The following CLDN10 variants were observed in gnomAD, a reference collection of about 807,000 sequenced individuals.
CLDN10 encodes the protein claudin 10.
In CLDN10, 15 loss-of-function variants were observed where a neutral mutation model predicts 22.9. That is an observed-to-expected ratio of 0.65 (90% CI 0.44 to 1.01). The LOEUF (loss-of-function observed/expected upper bound fraction) is 1.01, where lower values mean the gene tolerates loss of function less well. CLDN10 is among the 50% of genes least tolerant of loss of function. The pLI is 0.00. For missense variants in CLDN10, 247 were observed against 287.8 expected, an observed-to-expected ratio of 0.86 and a Z score of 1.03; for synonymous variants, 114 against 111.4, an observed-to-expected ratio of 1.02 and a Z score of -0.15.
chr13:95,554,865 T>C (rs928455526), intron 1 of CLDN10, among the ~76,000 whole-genome samples: 1 of 152,168 alleles, frequency 6.6e-6, no homozygotes. Flanking sequence ...CTGAAAATCT[T>C]ATATTCACCT....
chr13:95,563,232 GAGAT>G (rs1433570770), intron 3 of CLDN10, among the ~76,000 whole-genome samples: 46 of 147,724 alleles, frequency 3.1e-4, no homozygotes, highest in Middle Eastern at 6.9e-3. Flanking sequence ...GAGAGAGAGA[GAGAT>G]AGATGTGATT....
At chr13:95,474,879 G>A (rs1250821272) in intron 1 of CLDN10, among the ~76,000 whole-genome samples, 1 of 152,170 alleles carries the variant, frequency 6.6e-6, no homozygotes, top group Non-Finnish European at 1.5e-5. Flanking sequence ...AGGCTGTTCT[G>A]TGCTGCAGGT....
At chr13:95,559,542 C>A (rs981742543) in intron 1 of CLDN10, among the ~76,000 whole-genome samples, 1 of 152,170 alleles carries the variant, frequency 6.6e-6, no homozygotes, top group East Asian at 1.9e-4. Context: ...CCCTTAGACC[C>A]CCCATGGTTC....
At chr13:95,562,048 G>C (rs1182111407) in intron 3 of CLDN10, among the ~76,000 whole-genome samples, 1 of 151,748 alleles carries the variant, frequency 6.6e-6, no homozygotes, top group African/African-American at 2.4e-5. Context: ...TCTTGCCTCA[G>C]CCTCCTTAGT....
chr13:95,453,344 A>G (rs2042450442), intron 1 of CLDN10, among the ~76,000 whole-genome samples: 1 of 152,140 alleles, frequency 6.6e-6, no homozygotes, highest in Non-Finnish European at 1.5e-5. Context: ...TTCCACCAAC[A>G]ACCTCACCCA....
intron 1 of CLDN10, among the ~76,000 whole-genome samples, chr13:95,453,173 A>C (rs1000221249): frequency 1.3e-5 from 2 of 152,218 alleles, no homozygotes; most frequent in Admixed American, 1.3e-4. Flanking sequence ...TTTATGTCCC[A>C]ATTCACATGA....
rs34710654 is a variant in CLDN10 at position 95,444,379 on chromosome 13, G to A, written c.214+10332G>A. On this transcript the variant is annotated intron_variant, in intron 1 of 4. Coordinates refer to the CLDN10 transcript ENST00000376873. ...TGCCAGATTTTTGTGTGCATTGCAG[G>A]AAAAATTGATTACCAAAGGTTAATA... Among the ~76,000 whole-genome samples the A allele has an allele frequency of 9.5e-3, 1,446 of 152,306 alleles. 9 individuals are homozygous for A. Among genetic ancestry groups the A allele is most frequent in the Middle Eastern group, 0.017 (5 of 294 alleles).
In CLDN10 at chr13:95,559,723, T is replaced by C. The variant is rs1408180688; in HGVS notation, c.221-409T>C. Among the ~76,000 whole-genome samples the C allele has an allele frequency of 2.0e-5, 3 of 152,228 alleles. No homozygotes were observed. In the East Asian group the frequency reaches 5.8e-4, roughly 29 times the overall value. On this transcript the variant is annotated intron_variant, in intron 1 of 4. Transcript: ENST00000299339. ...GAGCGGAGGAGCTACAGAGTTGTGA[T>C]GGTGGCAGATGATGTTTTTTCACAG... is the stretch of plus-strand genomic sequence containing the variant.
intron 1 of CLDN10, among the ~76,000 whole-genome samples, chr13:95,529,036 CTTGTTG>C (rs746724488): frequency 6.6e-6 from 1 of 151,630 alleles, no homozygotes; most frequent in African/African-American, 2.4e-5. Flanking sequence ...CAATGTTTTT[CTTGTTG>C]TTGTTGTTGT....
chr13:95,548,746 T>A (rs1021620919), upstream of CLDN10, among the ~76,000 whole-genome samples: 2 of 151,918 alleles, frequency 1.3e-5, no homozygotes, highest in Non-Finnish European at 1.5e-5. Context: ...TGGGCAGTTG[T>A]TTTTTTTAGT....
intron 1 of CLDN10, among the ~76,000 whole-genome samples, chr13:95,496,719 G>C (rs975691829): frequency 1.3e-5 from 2 of 152,096 alleles, no homozygotes; most frequent in African/African-American, 4.8e-5. Flanking sequence ...TCCCACCACG[G>C]GGGCCCCACC....
At chr13:95,450,500 C>T (rs958289353) in intron 1 of CLDN10, among the ~76,000 whole-genome samples, 2 of 152,200 alleles carry the variant, frequency 1.3e-5, no homozygotes, top group Non-Finnish European at 2.9e-5. Flanking sequence ...TTTCCCACAG[C>T]GCTGATCCCA....
At chr13:95,469,607 C>G (rs2042611389) in intron 1 of CLDN10, among the ~76,000 whole-genome samples, 1 of 152,198 alleles carries the variant, frequency 6.6e-6, no homozygotes, top group South Asian at 2.1e-4. Flanking sequence ...TAGTTAGTAG[C>G]AGGGATAGAA....
At chr13:95,552,677 G>C, upstream of CLDN10, 2 of 1,445,122 alleles carry the variant, frequency 1.4e-6, no homozygotes, top group Non-Finnish European at 1.8e-6. Flanking sequence ...GGCGGGAGGC[G>C]GAGCCCCGGG....
chr13:95,559,547 T>C (rs936761937), intron 1 of CLDN10, among the ~76,000 whole-genome samples: 1 of 152,326 alleles, frequency 6.6e-6, no homozygotes, highest in African/African-American at 2.4e-5. Flanking sequence ...AGACCCCCCA[T>C]GGTTCATGAT....
chr13:95,459,133 G>T (rs1007640135), intron 1 of CLDN10, among the ~76,000 whole-genome samples: 1 of 152,212 alleles, frequency 6.6e-6, no homozygotes, highest in Non-Finnish European at 1.5e-5. Context: ...GCCTTGGACA[G>T]CTCTGTTCCT....
At chr13:95,565,512 G>T (rs561264465) in intron 3 of CLDN10, among the ~76,000 whole-genome samples, 1 of 152,014 alleles carries the variant, frequency 6.6e-6, no homozygotes, top group Non-Finnish European at 1.5e-5. Flanking sequence ...AAATCATGTC[G>T]CACTTCTCAT....
intron 1 of CLDN10, among the ~76,000 whole-genome samples, chr13:95,543,921 A>G (rs9525019): frequency 0.3 from 45,358 of 152,000 alleles, 7,568 homozygotes; most frequent in Admixed American, 0.37. Flanking sequence ...TAAGATTTTA[A>G]TTTGAAAGGA....
chr13:95,572,812 T>A (rs937481101), intron 3 of CLDN10, among the ~76,000 whole-genome samples: 1 of 152,194 alleles, frequency 6.6e-6, no homozygotes, highest in African/African-American at 2.4e-5. Context: ...GCACAATACC[T>A]GGCATGTCAT....
Sources: allele counts gnomAD v4.1 joint callset (sites outside exome capture counted in the v4.1 genomes callset), GRCh38; gene constraint gnomAD v4.1.1; transcripts MANE v1.5; gene names NCBI Gene and HGNC (gene_info 2026-07-23, HGNC 2026-07-21).